Variants in FKBP5 observed in about 807,000 individuals in gnomAD.
FKBP5 encodes peptidyl-prolyl cis-trans isomerase FKBP5.
Under a neutral mutation model 50.5 loss-of-function variants are expected in FKBP5, and 23 were observed. The observed-to-expected ratio is 0.46, with a 90% CI of 0.33 to 0.65. The LOEUF (loss-of-function observed/expected upper bound fraction) is 0.65. FKBP5 is among the 30% of genes least tolerant of loss of function. The probability of loss-of-function intolerance (pLI) is 0.02; values close to 1 mark genes in which losing one functional copy is unlikely to be tolerated. For synonymous variants in FKBP5, 176 were observed against 190.6 expected, an observed-to-expected ratio of 0.92 and a Z score of 0.63; for missense variants, 411 against 553.1, an observed-to-expected ratio of 0.74 and a Z score of 2.58.
chr6:35,686,681 A>C (rs1290753764), intron 1 of FKBP5, among the ~76,000 whole-genome samples: 1 of 152,236 alleles, frequency 6.6e-6, no homozygotes, highest in Non-Finnish European at 1.5e-5. Context: ...ACAGGTATAC[A>C]AACAGGATGT....
chr6:35,581,286 A>T (rs1312486403), intron 8 of FKBP5: 17 of 287,998 alleles, frequency 5.9e-5, no homozygotes, highest in East Asian at 1.8e-4. Flanking sequence ...TATATATATA[A>T]TATATATATA....
chr6:35,649,549 T>C (rs1009981438), intron 1 of FKBP5, among the ~76,000 whole-genome samples: 1 of 151,740 alleles, frequency 6.6e-6, no homozygotes, highest in Admixed American at 6.6e-5. Flanking sequence ...TTTGAGAAGG[T>C]AAGAACTGAA....
At chr6:35,717,197 T>A (rs1453203858) in intron 2 of FKBP5, among the ~76,000 whole-genome samples, 1 of 152,162 alleles carries the variant, frequency 6.6e-6, no homozygotes, top group East Asian at 1.9e-4. Context: ...TCCAGTTGGA[T>A]ACAAAGCCAG....
At chr6:35,700,517 C>T (rs183557661) in intron 2 of FKBP5, among the ~76,000 whole-genome samples, 5 of 152,176 alleles carry the variant, frequency 3.3e-5, no homozygotes, top group East Asian at 1.9e-4. Flanking sequence ...TGGTAGGCCC[C>T]GAACTCCAAA....
chr6:35,717,738 G>A (rs534953842), intron 2 of FKBP5, among the ~76,000 whole-genome samples: 4 of 152,200 alleles, frequency 2.6e-5, no homozygotes, highest in South Asian at 2.1e-4. Context: ...AGGACTGGAC[G>A]ACTGAGGTGG....
chr6:35,657,377 G>A (rs1004189873), intron 1 of FKBP5, among the ~76,000 whole-genome samples: 2 of 152,164 alleles, frequency 1.3e-5, no homozygotes, highest in Admixed American at 1.3e-4. Flanking sequence ...CTCCGGGAGA[G>A]CACTCATCTC....
chr6:35,626,626 C>T (rs1764006725), intron 3 of FKBP5, among the ~76,000 whole-genome samples: 1 of 152,146 alleles, frequency 6.6e-6, no homozygotes, highest in East Asian at 1.9e-4. Flanking sequence ...AAATTTTATA[C>T]CCATTAAGCA....
chr6:35,691,795 G>A (rs957232465), upstream of FKBP5, among the ~76,000 whole-genome samples: 1 of 152,172 alleles, frequency 6.6e-6, no homozygotes, highest in Admixed American at 6.5e-5. Flanking sequence ...CTGGATGTGG[G>A]ATGAGCAGCC....
At chr6:35,705,096 G>C (rs1359770410) in intron 2 of FKBP5, among the ~76,000 whole-genome samples, 2 of 150,278 alleles carry the variant, frequency 1.3e-5, no homozygotes, top group East Asian at 3.9e-4. Context: ...AGCTGACATC[G>C]CGCCACTGCA....
At chr6:35,728,274 G>A (rs1339597702) in intron 1 of FKBP5, among the ~76,000 whole-genome samples, 5 of 152,156 alleles carry the variant, frequency 3.3e-5, no homozygotes, top group African/African-American at 4.8e-5. Flanking sequence ...GAACGGGAGG[G>A]GCAAGCATAC....
chr6:35,598,029 A>G (rs185394952), intron 5 of FKBP5, among the ~76,000 whole-genome samples: 40 of 152,364 alleles, frequency 2.6e-4, no homozygotes, highest in Admixed American at 1.9e-3. Flanking sequence ...ATAGTCTACT[A>G]TAACTTCACA....
At position 35,583,187 on chromosome 6, in the gene FKBP5, G is replaced by C. The variant is rs1301485111; in HGVS notation, c.841-2966C>G. Reference sequence around the variant, plus strand: ...TTGTTTCACTGAGATGAGATAGGAAGGACAGGCATTTCCCCTGTCATGCCT... The same window carrying C: ...TTGTTTCACTGAGATGAGATAGGAACGACAGGCATTTCCCCTGTCATGCCT... On this transcript the variant is annotated intron_variant, in intron 8 of 10. Coordinates refer to ENST00000357266, the MANE Select transcript of FKBP5 (RefSeq NM_004117.4). 53 of 985,288 alleles carry C rather than the reference G, an allele frequency of 5.4e-5. No individual in the cohort carries two copies. The South Asian group carries it at 1.3e-3, about 24-fold the overall frequency. The allele number at this position is 985,288 out of a possible 1,614,324, so 61.0% of individuals were successfully genotyped here. A position where few individuals can be genotyped will look rare whatever the true frequency, so the allele number is the denominator to read the frequency against.
At chr6:35,585,516 T>G (rs1395845892) in intron 8 of FKBP5, 1 of 985,336 alleles carries the variant, frequency 1.0e-6, no homozygotes, top group Non-Finnish European at 1.2e-6. Context: ...TCTTTGGACC[T>G]TAAATGACTA....
chr6:35,631,435 G>A (rs1441199267), intron 3 of FKBP5, among the ~76,000 whole-genome samples: 1 of 152,178 alleles, frequency 6.6e-6, no homozygotes, highest in East Asian at 1.9e-4. Flanking sequence ...GAAGGAAAGT[G>A]ACTGCAAAAG....
chr6:35,725,467 C>T (rs1766688719), intron 1 of FKBP5, among the ~76,000 whole-genome samples: 1 of 152,164 alleles, frequency 6.6e-6, no homozygotes, highest in Admixed American at 6.5e-5. Context: ...GGAGACTCCA[C>T]AGCTTTAGAG....
chr6:35,703,014 C>T (rs1766218266), intron 2 of FKBP5, among the ~76,000 whole-genome samples: 1 of 152,084 alleles, frequency 6.6e-6, no homozygotes, highest in Admixed American at 6.6e-5. Context: ...CTTTGGGAGG[C>T]CAAGGCGGGC....
intron 5 of FKBP5, among the ~76,000 whole-genome samples, chr6:35,597,673 T>C (rs1160415767): frequency 1.3e-5 from 2 of 152,222 alleles, no homozygotes; most frequent in African/African-American, 2.4e-5. Context: ...ACAGGTTTAT[T>C]CTAAGCCTAC....
intron 2 of FKBP5, among the ~76,000 whole-genome samples, 192 bp downstream of exon 2, chr6:35,642,528 G>A (rs1360119921): frequency 6.6e-6 from 1 of 152,126 alleles, no homozygotes; most frequent in African/African-American, 2.4e-5. Flanking sequence ...AGACCAGCCT[G>A]GGCAACATAA....
upstream of FKBP5, among the ~76,000 whole-genome samples, chr6:35,689,512 CAGG>C (rs972289043): frequency 2.0e-5 from 3 of 152,054 alleles, no homozygotes; most frequent in Admixed American, 6.5e-5. Context: ...ACCTTTCAAG[CAGG>C]AGATCCCAGG....
Sources: gnomAD v4.1 joint callset for allele counts (sites outside exome capture counted in the v4.1 genomes callset) on GRCh38, gnomAD v4.1.1 for gene constraint, MANE v1.5 for transcripts, NCBI Gene and HGNC (gene_info 2026-07-23, HGNC 2026-07-21) for gene names.